The following C1orf21 variants were observed in gnomAD, a reference collection of about 807,000 sequenced individuals.
C1orf21 encodes the protein uncharacterized protein C1orf21.
C1orf21 carries 3 observed loss-of-function variants against 18.7 expected under a neutral mutation model. The ratio of observed to expected loss-of-function variants is 0.16; its 90% CI spans 0.07 to 0.42. The LOEUF (loss-of-function observed/expected upper bound fraction) is 0.42, where lower values mean the gene tolerates loss of function less well. Ranked by LOEUF, C1orf21 falls within the 10% of genes least tolerant of loss-of-function variation. The probability of loss-of-function intolerance (pLI) is 0.99; values close to 1 mark genes in which losing one functional copy is unlikely to be tolerated. For missense variants in C1orf21, 104 were observed against 143.6 expected (o/e 0.72, Z 1.41); for synonymous variants, 41 against 46.4 (o/e 0.88, Z 0.47).
chr1:184,463,874 AG>A (rs1458033852), intron 1 of C1orf21, among the ~76,000 whole-genome samples: 2 of 152,238 alleles, frequency 1.3e-5, no homozygotes, highest in African/African-American at 4.8e-5. Flanking sequence ...ACGTTAGAGA[AG>A]GGGAAGATCT....
intron 1 of C1orf21, among the ~76,000 whole-genome samples, chr1:184,416,517 A>ACCC: frequency 6.6e-6 from 1 of 152,300 alleles, no homozygotes; most frequent in Admixed American, 6.5e-5. Context: ...CATTGCTTAA[A>ACCC]ATTAAAAAAA....
chr1:184,505,590 C>T (rs570958451), intron 2 of C1orf21, among the ~76,000 whole-genome samples: 119 of 151,442 alleles, frequency 7.9e-4, no homozygotes, highest in African/African-American at 2.8e-3. Context: ...TGGTAAAACC[C>T]GTCTCTACTA....
At chr1:184,513,475 T>C (rs1200653081) in intron 3 of C1orf21, among the ~76,000 whole-genome samples, 1 of 152,236 alleles carries the variant, frequency 6.6e-6, no homozygotes, top group Non-Finnish European at 1.5e-5. Flanking sequence ...AGGACACTGG[T>C]TGATAAGCGT....
intron 5 of C1orf21, among the ~76,000 whole-genome samples, chr1:184,605,885 A>G (rs896100634): frequency 1.3e-5 from 2 of 152,202 alleles, no homozygotes; most frequent in African/African-American, 2.4e-5. Flanking sequence ...CATCAAGGCC[A>G]TTTATACAGG....
At chr1:184,607,202 G>C (rs576082353) in intron 5 of C1orf21, among the ~76,000 whole-genome samples, 2 of 152,230 alleles carry the variant, frequency 1.3e-5, no homozygotes, top group African/African-American at 4.8e-5. Context: ...ATTGTTGGAG[G>C]CTTGCTTAGA....
intron 3 of C1orf21, among the ~76,000 whole-genome samples, chr1:184,582,039 G>T (rs1387096334): frequency 6.6e-6 from 1 of 152,202 alleles, no homozygotes; most frequent in Admixed American, 6.5e-5. Context: ...GGTGGCTTGA[G>T]TTAATTGTTG....
chr1:184,404,571 C>T (rs1052565071), intron 1 of C1orf21, among the ~76,000 whole-genome samples: 3 of 152,108 alleles, frequency 2.0e-5, no homozygotes, highest in Admixed American at 2.0e-4. Flanking sequence ...GAGAGTAGAG[C>T]CTTAATGGTG....
intron 3 of C1orf21, among the ~76,000 whole-genome samples, chr1:184,587,696 A>C (rs1659378236): frequency 6.9e-6 from 1 of 144,824 alleles, no homozygotes; most frequent in South Asian, 2.2e-4. Context: ...TCTGTTGCCC[A>C]GGCTGGAGTG....
intron 5 of C1orf21, among the ~76,000 whole-genome samples, chr1:184,604,310 C>T (rs946189256): frequency 2.0e-5 from 3 of 152,072 alleles, no homozygotes; most frequent in Non-Finnish European, 4.4e-5. Context: ...CATGACCTGC[C>T]CCACGTGTGC....
intron 2 of C1orf21, among the ~76,000 whole-genome samples, chr1:184,498,322 G>T (rs1657923005): frequency 6.6e-6 from 1 of 152,206 alleles, no homozygotes; most frequent in South Asian, 2.1e-4. Flanking sequence ...TAAGTCAGAT[G>T]CGCATAAAGA....
intron 1 of C1orf21, among the ~76,000 whole-genome samples, chr1:184,409,775 G>A (rs1466125776): frequency 6.6e-6 from 1 of 152,168 alleles, no homozygotes; most frequent in Non-Finnish European, 1.5e-5. Flanking sequence ...GTGAATTACT[G>A]AGTAGTATTT....
chr1:184,441,178 G>A (rs1656938292), intron 1 of C1orf21, among the ~76,000 whole-genome samples: 1 of 152,058 alleles, frequency 6.6e-6, no homozygotes, highest in South Asian at 2.1e-4. Context: ...CTTCCTCTTG[G>A]TTTTTGTGAT....
chr1:184,589,263 C>T (rs968317542), intron 3 of C1orf21, among the ~76,000 whole-genome samples: 4 of 152,196 alleles, frequency 2.6e-5, no homozygotes, highest in Non-Finnish European at 5.9e-5. Context: ...AAAGGACCAA[C>T]TTGGAAGGAA....
intron 1 of C1orf21, among the ~76,000 whole-genome samples, chr1:184,399,107 A>G (rs1359381904): frequency 6.6e-6 from 1 of 151,968 alleles, no homozygotes; most frequent in African/African-American, 2.4e-5. Context: ...TGAGAGATGC[A>G]TTTGTCTTAT....
chr1:184,578,874 A>C (rs1659231941), intron 3 of C1orf21, among the ~76,000 whole-genome samples: 1 of 152,138 alleles, frequency 6.6e-6, no homozygotes, highest in South Asian at 2.1e-4. Flanking sequence ...AAAAATAAAA[A>C]TATAAACTTT....
At chr1:184,585,673 A>G (rs1357933357) in intron 3 of C1orf21, among the ~76,000 whole-genome samples, 3 of 152,106 alleles carry the variant, frequency 2.0e-5, no homozygotes, top group Admixed American at 2.0e-4. Context: ...CTATGTGTCC[A>G]TGTCTTCTCA....
At chr1:184,388,977 G>T (rs1218418703) in intron 1 of C1orf21, among the ~76,000 whole-genome samples, 1 of 152,126 alleles carries the variant, frequency 6.6e-6, no homozygotes, top group Non-Finnish European at 1.5e-5. Flanking sequence ...AAATGTAATT[G>T]TCAGACATGG....
At position 184,626,879 on chromosome 1, in the gene C1orf21, C is replaced by G. The variant is rs1660020135; in HGVS notation, c.*7323C>G. On this transcript the variant is annotated 3_prime_UTR_variant, in exon 6 of 6. Transcript: ENST00000235307. ...AAATACCGTTTGGGACCAGGCTGGCCTAGACCCAGGGATGAGAATGCACCC... is the reference window on the plus strand; with the variant it reads ...AAATACCGTTTGGGACCAGGCTGGCGTAGACCCAGGGATGAGAATGCACCC... 1 of 152,538 alleles carries G rather than the reference C, an allele frequency of 6.6e-6. No individual in the cohort carries two copies. Among genetic ancestry groups the G allele is most frequent in the Non-Finnish European group, 1.5e-5 (1 of 68,052 alleles). 9.4% of individuals were successfully genotyped at this position (152,538 alleles called of 1,614,324 possible).
chr1:184,431,210 T>A (rs1162821698), intron 1 of C1orf21, among the ~76,000 whole-genome samples: 3 of 152,180 alleles, frequency 2.0e-5, no homozygotes, highest in Non-Finnish European at 4.4e-5. Flanking sequence ...GCTACCTAAT[T>A]TCAAACTATA....
Sources: gnomAD v4.1 joint callset for allele counts (sites outside exome capture counted in the v4.1 genomes callset) on GRCh38, gnomAD v4.1.1 for gene constraint, MANE v1.5 for transcripts, NCBI Gene and HGNC (gene_info 2026-07-23, HGNC 2026-07-21) for gene names.